Variants in SCN8A observed in about 807,000 individuals in gnomAD.
SCN8A encodes sodium voltage-gated channel alpha subunit 8, also known as sodium channel protein type 8 subunit alpha.
In SCN8A, 30 loss-of-function variants were observed where a neutral mutation model predicts 184.1. The observed-to-expected ratio is 0.16, with a 90% CI of 0.12 to 0.22. SCN8A has a LOEUF of 0.22. SCN8A is among the 10% of genes least tolerant of loss of function. SCN8A has a pLI of 1.00. For synonymous variants in SCN8A, 852 were observed against 907.0 expected (o/e 0.94, Z 1.09); for missense variants, 1,057 against 2,498.9 (o/e 0.42, Z 12.30).
chr12:51,730,816 T>C (rs1942228658), intron 12 of SCN8A, among the ~76,000 whole-genome samples: 1 of 152,324 alleles, frequency 6.6e-6, no homozygotes, highest in South Asian at 2.1e-4. Flanking sequence ...TTCTAACAAT[T>C]TTTTTTGTAC....
At chr12:51,755,452 C>CA in intron 14 of SCN8A, among the ~76,000 whole-genome samples, 1 of 152,068 alleles carries the variant, frequency 6.6e-6, no homozygotes, top group East Asian at 1.9e-4. Flanking sequence ...CGTGTTTTTC[C>CA]AGCCCCAGGG....
chr12:51,712,948 G>T, intron 11 of SCN8A: 1 of 1,594,362 alleles, frequency 6.3e-7, no homozygotes, highest in Non-Finnish European at 8.6e-7. Context: ...AAAATTGCCA[G>T]ATCCACCTCC....
chr12:51,782,235 A>G (rs1232801749), intron 21 of SCN8A, among the ~76,000 whole-genome samples: 2 of 152,216 alleles, frequency 1.3e-5, no homozygotes, highest in African/African-American at 4.8e-5. Flanking sequence ...TCCCACAGAT[A>G]AGAGAGGTTT....
At chr12:51,795,304 T>TA (rs1261599947) in intron 26 of SCN8A, among the ~76,000 whole-genome samples, 1 of 152,196 alleles carries the variant, frequency 6.6e-6, no homozygotes, top group Non-Finnish European at 1.5e-5. Context: ...TGCTTCAACC[T>TA]AAAAGTGTGG....
At chr12:51,615,198 T>C (rs117590162) in intron 1 of SCN8A, among the ~76,000 whole-genome samples, 1,647 of 152,298 alleles carry the variant, frequency 0.011, 13 homozygotes, top group Non-Finnish European at 0.016. Flanking sequence ...GGAATTACAA[T>C]GTACATACTT....
chr12:51,694,378 T>C (rs1454361164), intron 6 of SCN8A, among the ~76,000 whole-genome samples: 1 of 152,244 alleles, frequency 6.6e-6, no homozygotes, highest in Non-Finnish European at 1.5e-5. Context: ...TGACAGGAGA[T>C]TCAGAAGTAC....
At chr12:51,773,493 T>A (rs1942961099) in intron 19 of SCN8A, among the ~76,000 whole-genome samples, 1 of 152,234 alleles carries the variant, frequency 6.6e-6, no homozygotes, top group Non-Finnish European at 1.5e-5. Flanking sequence ...AAAGATTTTG[T>A]CATTTCTTTT....
At chr12:51,760,070 G>T (rs1264855514) in intron 14 of SCN8A, among the ~76,000 whole-genome samples, 1 of 152,170 alleles carries the variant, frequency 6.6e-6, no homozygotes, top group Non-Finnish European at 1.5e-5. Context: ...CCTCTTATCA[G>T]ACCTTGCTGC....
At chr12:51,615,784 C>T (rs1297262833) in intron 1 of SCN8A, among the ~76,000 whole-genome samples, 3 of 152,156 alleles carry the variant, frequency 2.0e-5, no homozygotes, top group Admixed American at 6.5e-5. Context: ...GTGGTACAAT[C>T]GTAGCTCACT....
intron 11 of SCN8A, among the ~76,000 whole-genome samples, chr12:51,717,373 C>T (rs4761831): frequency 0.75 from 113,924 of 152,228 alleles, 45,344 homozygotes; most frequent in East Asian, 0.9. Context: ...TTGTAAAATA[C>T]AGTAACAATC....
rs1318771897 is a variant in SCN8A, at chr12:51,774,212, G to A, written c.3669G>A (p.Glu1223=). Residue 1223 remains glutamate, a synonymous_variant, in exon 20 of 27, where the codon GAG becomes GAA. Coordinates refer to ENST00000627620, the MANE Select transcript of SCN8A (RefSeq NM_001330260.2). The part of the protein sequence containing the change: ...GALAFEDIYI[E]QRKTIRTILE... ...AGGCCTTCGAGGACATCTACATTGA[G>A]CAGAGAAAGACCATCCGCACCATCC... The A allele has an allele frequency of 4.3e-6, 7 of 1,613,686 alleles. No individual in the cohort carries two copies. The highest frequency in any genetic ancestry group is 5.1e-6 in the Non-Finnish European group (6 of 1,179,728).
At chr12:51,763,334 A>G (rs1942790343) in intron 15 of SCN8A, among the ~76,000 whole-genome samples, 1 of 152,210 alleles carries the variant, frequency 6.6e-6, no homozygotes, top group African/African-American at 2.4e-5. Context: ...ATACTTTATT[A>G]TAAAATGGGC....
In SCN8A at chr12:51,684,193, G is replaced by C. The variant is rs370578497; in HGVS notation, c.296G>C (p.Arg99Thr). ...CCACAGACCTTTGTAGTATTAAACA[G>C]AGGGAAAACTCTCTTCAGATTTAGT... ...LTQKTFVVLN[R>T]GKTLFRFSAT... Residue 99 changes from arginine (R) to threonine (T), a missense_variant, in exon 3 of 27, where the codon AGA becomes ACA. This residue lies in a region of SCN8A where 66 missense variants were observed against 276.4 expected (regional missense o/e 0.24). Transcript: ENST00000627620. 3.8e-6 allele frequency: 6 copies of C among 1,585,626 alleles called. No homozygotes were observed. Among genetic ancestry groups the C allele is most frequent in the Non-Finnish European group, 4.3e-6 (5 of 1,154,264 alleles).
At chr12:51,617,606 C>G (rs1939868900) in intron 1 of SCN8A, among the ~76,000 whole-genome samples, 1 of 152,072 alleles carries the variant, frequency 6.6e-6, no homozygotes, top group African/African-American at 2.4e-5. Flanking sequence ...TGTTGATTGT[C>G]TTTTTCCTTG....
At chr12:51,654,833 C>T (rs1010289826) in intron 1 of SCN8A, among the ~76,000 whole-genome samples, 1 of 152,064 alleles carries the variant, frequency 6.6e-6, no homozygotes, top group Non-Finnish European at 1.5e-5. Context: ...CTTAGTGCTA[C>T]TTGCTACCTT....
chr12:51,766,180 TGAA>T, intron 16 of SCN8A, 153 bp downstream of exon 16: 1 of 697,042 alleles, frequency 1.4e-6, no homozygotes, highest in Non-Finnish European at 2.5e-6. Context: ...AAGGTACAAA[TGAA>T]GGAGAGGAGA....
Position 51,745,895 on chromosome 12 carries a change from T to C in SCN8A, c.1999-8T>C, listed in dbSNP as rs754924317. The C allele has an allele frequency of 2.6e-6, 4 of 1,561,464 alleles. No individual in the cohort carries two copies. Among genetic ancestry groups the C allele is most frequent in the Non-Finnish European group, 3.4e-6 (4 of 1,160,910 alleles). ...ACTCTATTTGCTTTTCTTTTTTTTT[T>C]TTTAAAGGCTACAACTGAGGTGGAA... is the stretch of plus-strand genomic sequence containing the variant. On this transcript the variant is annotated splice_region_variant and splice_polypyrimidine_tract_variant and intron_variant, in intron 12 of 26. Transcript: ENST00000627620.
intron 2 of SCN8A, among the ~76,000 whole-genome samples, chr12:51,683,182 G>A (rs1322134491): frequency 6.6e-6 from 1 of 152,132 alleles, no homozygotes; most frequent in Non-Finnish European, 1.5e-5. Flanking sequence ...GCTCACATAT[G>A]TGTCTTCCCT....
intron 9 of SCN8A, among the ~76,000 whole-genome samples, chr12:51,704,890 G>T (rs143839849): frequency 2.1e-4 from 32 of 152,072 alleles, no homozygotes; most frequent in Non-Finnish European, 3.7e-4. Context: ...CAGGAGAATC[G>T]CTTGAACCTG....
Sources: allele counts gnomAD v4.1 joint callset (sites outside exome capture counted in the v4.1 genomes callset), GRCh38; gene constraint gnomAD v4.1.1; regional missense constraint gnomAD v4.1.1; transcripts MANE v1.5; gene names NCBI Gene and HGNC (gene_info 2026-07-23, HGNC 2026-07-21).